SLAIN2: variants seen among roughly 807,000 people sequenced by gnomAD.
SLAIN2 encodes SLAIN family member 2.
SLAIN2 carries 31 observed loss-of-function variants against 56.6 expected under a neutral mutation model. The observed-to-expected ratio is 0.55, with a 90% CI of 0.41 to 0.74. SLAIN2 has a LOEUF of 0.74. SLAIN2 is among the 30% of genes least tolerant of loss of function. The pLI is 0.00. For missense variants in SLAIN2, 777 were observed against 754.2 expected, an observed-to-expected ratio of 1.03 and a Z score of -0.35; for synonymous variants, 317 against 284.9, an observed-to-expected ratio of 1.11 and a Z score of -1.13.
At chr4:48,350,006 A>G (rs1226849236) in intron 1 of SLAIN2, among the ~76,000 whole-genome samples, 1 of 152,248 alleles carries the variant, frequency 6.6e-6, no homozygotes, top group Non-Finnish European at 1.5e-5. Context: ...CAGGACCGAA[A>G]GTGATTTAGA....
In SLAIN2 at chr4:48,394,948, A is replaced by G. The variant is rs1716338926; in HGVS notation, c.1360+11164A>G. Among the ~76,000 whole-genome samples, 3 of 152,202 alleles carry G rather than the reference A, an allele frequency of 2.0e-5. No homozygotes were observed. In the South Asian group the frequency reaches 6.2e-4, roughly 31 times the overall value. Reference sequence around the variant, plus strand: ...TTCAACTTTTTGCCAACTGAACTTCATAAGTGCTTTAAAATGAACCAAATG... The same window carrying G: ...TTCAACTTTTTGCCAACTGAACTTCGTAAGTGCTTTAAAATGAACCAAATG... On this transcript the variant is annotated intron_variant, in intron 6 of 7. Coordinates refer to ENST00000264313, the MANE Select transcript of SLAIN2 (RefSeq NM_020846.2).
At chr4:48,409,717 C>T (rs575817240) in intron 6 of SLAIN2, among the ~76,000 whole-genome samples, 1 of 152,074 alleles carries the variant, frequency 6.6e-6, no homozygotes, top group African/African-American at 2.4e-5. Context: ...ATCCTCGTCT[C>T]TACTAAAAGT....
At chr4:48,376,086 C>G (rs370331115) in intron 2 of SLAIN2, among the ~76,000 whole-genome samples, 3 of 152,214 alleles carry the variant, frequency 2.0e-5, no homozygotes, top group Non-Finnish European at 4.4e-5. Context: ...GCACCATATC[C>G]TGTTTCTTGT....
intron 6 of SLAIN2, among the ~76,000 whole-genome samples, chr4:48,404,056 C>T (rs1273598446): frequency 6.6e-6 from 1 of 152,158 alleles, no homozygotes; most frequent in Non-Finnish European, 1.5e-5. Context: ...ATTGCCTCAC[C>T]CTGCTTCTTT....
chr4:48,403,588 C>T (rs775652829), intron 6 of SLAIN2, among the ~76,000 whole-genome samples: 17 of 152,326 alleles, frequency 1.1e-4, no homozygotes, highest in African/African-American at 3.6e-4. Flanking sequence ...ACAGAGATGG[C>T]GGCCACCCTT....
intron 2 of SLAIN2, 111 bp from the exon 3 acceptor site, chr4:48,377,785 C>A (rs951272893): frequency 9.6e-7 from 1 of 1,041,234 alleles, no homozygotes; most frequent in African/African-American, 1.6e-5. Flanking sequence ...AAGAATATTT[C>A]TTCATTTAAA....
chr4:48,364,877 AG>A (rs1278531241), intron 1 of SLAIN2, among the ~76,000 whole-genome samples: 1 of 20,832 alleles, frequency 4.8e-5, no homozygotes, highest in Admixed American at 7.2e-4. Flanking sequence ...CGGGAGAGGG[AG>A]GGGGAGGGGG....
chr4:48,365,307 A>G (rs1252824345), intron 1 of SLAIN2, among the ~76,000 whole-genome samples: 1 of 151,692 alleles, frequency 6.6e-6, no homozygotes, highest in Non-Finnish European at 1.5e-5. Context: ...CGTCTCTACT[A>G]AAAATACAAA....
intron 6 of SLAIN2, among the ~76,000 whole-genome samples, chr4:48,387,094 C>G (rs115572775): frequency 0.015 from 2,316 of 152,232 alleles, 41 homozygotes; most frequent in African/African-American, 0.052. Flanking sequence ...CTTTCTAAAA[C>G]TAGCTATATC....
At chr4:48,400,608 G>A (rs969824235) in intron 6 of SLAIN2, among the ~76,000 whole-genome samples, 3 of 151,810 alleles carry the variant, frequency 2.0e-5, no homozygotes, top group Admixed American at 6.6e-5. Context: ...CACTATGTTG[G>A]CCACACTTGT....
intron 6 of SLAIN2, among the ~76,000 whole-genome samples, chr4:48,395,444 TG>T (rs1217738262): frequency 7.3e-6 from 1 of 136,132 alleles, no homozygotes; most frequent in Non-Finnish European, 1.6e-5. Context: ...AGATTTTTTT[TG>T]AAAAAAAAAA....
chr4:48,347,502 C>T (rs1200383278), intron 1 of SLAIN2, among the ~76,000 whole-genome samples: 3 of 152,140 alleles, frequency 2.0e-5, no homozygotes, highest in Non-Finnish European at 4.4e-5. Flanking sequence ...ACCTGCTTCA[C>T]CCTCCCAAAG....
At chr4:48,376,397 G>A (rs942542168) in intron 2 of SLAIN2, among the ~76,000 whole-genome samples, 6 of 148,114 alleles carry the variant, frequency 4.1e-5, no homozygotes, top group African/African-American at 1.5e-4. Context: ...AGAAGTTACA[G>A]TGAGCCGAAA....
chr4:48,380,666 A>G (rs184609725), intron 4 of SLAIN2, among the ~76,000 whole-genome samples: 250 of 152,318 alleles, frequency 1.6e-3, no homozygotes, highest in Middle Eastern at 0.014. Context: ...TCATTAGAAG[A>G]TGCCATCTGC....
chr4:48,396,522 C>T (rs548742119), intron 6 of SLAIN2, among the ~76,000 whole-genome samples: 1 of 152,288 alleles, frequency 6.6e-6, no homozygotes, highest in East Asian at 1.9e-4. Context: ...AATGGATTTT[C>T]TGATTTCCCC....
chr4:48,347,798 A>G (rs1346900276), intron 1 of SLAIN2, among the ~76,000 whole-genome samples: 6 of 152,168 alleles, frequency 3.9e-5, no homozygotes, highest in African/African-American at 7.2e-5. Flanking sequence ...CCTGGCAACT[A>G]CCATTCTGCT....
At chr4:48,406,226 T>C (rs1422794449) in intron 6 of SLAIN2, among the ~76,000 whole-genome samples, 2 of 152,198 alleles carry the variant, frequency 1.3e-5, no homozygotes, top group African/African-American at 2.4e-5. Context: ...GCTATACTTA[T>C]TGCTACTGGG....
intron 1 of SLAIN2, among the ~76,000 whole-genome samples, chr4:48,363,668 G>C (rs1715404548): frequency 1.9e-5 from 2 of 106,586 alleles, no homozygotes; most frequent in African/African-American, 7.0e-5. Flanking sequence ...GGGCAGAGGG[G>C]CTCCTCACTT....
intron 1 of SLAIN2, among the ~76,000 whole-genome samples, chr4:48,351,371 T>C (rs1715005071): frequency 6.6e-6 from 1 of 152,372 alleles, no homozygotes; most frequent in South Asian, 2.1e-4. Flanking sequence ...AAGAGTACTT[T>C]AGTAATTTTA....
Sources: allele counts gnomAD v4.1 joint callset (sites outside exome capture counted in the v4.1 genomes callset), GRCh38; gene constraint gnomAD v4.1.1; transcripts MANE v1.5; gene names NCBI Gene and HGNC (gene_info 2026-07-23, HGNC 2026-07-21).